ATF7: variants seen among roughly 807,000 people sequenced by gnomAD.
ATF7 encodes the protein cyclic AMP-dependent transcription factor ATF-7.
In ATF7, 10 loss-of-function variants were observed where a neutral mutation model predicts 50.4. The ratio of observed to expected loss-of-function variants is 0.20; its 90% CI spans 0.12 to 0.34. The LOEUF is 0.34. Among genes scored for constraint, ATF7 ranks in the 10% least tolerant of loss-of-function variants. The probability of loss-of-function intolerance (pLI) is 1.00; values close to 1 mark genes in which losing one functional copy is unlikely to be tolerated. For synonymous variants in ATF7, 201 were observed against 226.4 expected (o/e 0.89, Z 1.01); for missense variants, 465 against 613.9 (o/e 0.76, Z 2.56).
intron 11 of ATF7, among the ~76,000 whole-genome samples, chr12:53,517,871 A>T (rs891474366): frequency 1.3e-4 from 19 of 151,700 alleles, no homozygotes; most frequent in African/African-American, 3.6e-4. Flanking sequence ...TTATTTATTT[A>T]TTTTTTTTCC....
rs566812375 is a variant in ATF7 at position 53,515,507 on chromosome 12, A to G, written c.*1630T>C. ...AATTAAAGCTGACCTATCTATCCACAGGCCTCTGGCTCTGAATTGCTTCCT... is the reference window on the plus strand; with the variant it reads ...AATTAAAGCTGACCTATCTATCCACGGGCCTCTGGCTCTGAATTGCTTCCT... On this transcript the variant is annotated 3_prime_UTR_variant, in exon 12 of 12. Coordinates refer to ENST00000420353, the MANE Select transcript of ATF7 (RefSeq NM_006856.3). 1.3e-5 allele frequency: 2 copies of G among 152,354 alleles called. No individual in the cohort carries two copies. The highest frequency in any genetic ancestry group is 4.8e-5 in the African/African-American group (2 of 41,586). The allele number at this position is 152,354 out of a possible 1,614,324, so 9.4% of individuals were successfully genotyped here.
chr12:53,604,127 C>T (rs887600338), intron 1 of ATF7, among the ~76,000 whole-genome samples: 1 of 152,152 alleles, frequency 6.6e-6, no homozygotes, highest in African/African-American at 2.4e-5. Flanking sequence ...GAGGGATACA[C>T]ACATTAAGAA....
chr12:53,562,244 T>C (rs1941167215), intron 2 of ATF7, among the ~76,000 whole-genome samples: 1 of 152,218 alleles, frequency 6.6e-6, no homozygotes, highest in Non-Finnish European at 1.5e-5. Context: ...CCCAAGCACC[T>C]AGAACGGTAT....
intron 1 of ATF7, among the ~76,000 whole-genome samples, chr12:53,605,260 A>G (rs951006948): frequency 7.2e-5 from 11 of 152,012 alleles, no homozygotes; most frequent in African/African-American, 2.7e-4. Context: ...ATGGTGGCGC[A>G]TGCCTGTAAT....
At chr12:53,532,361 G>T in intron 8 of ATF7, 149 bp downstream of exon 8, 1 of 614,986 alleles carries the variant, frequency 1.6e-6, no homozygotes. Context: ...ATGAATTGGA[G>T]TCTTTTCTTT....
chr12:53,570,968 T>A (rs1266247296), intron 2 of ATF7, among the ~76,000 whole-genome samples: 3 of 152,140 alleles, frequency 2.0e-5, no homozygotes, highest in Non-Finnish European at 4.4e-5. Context: ...CACAAAGATA[T>A]ATCAATGTTC....
chr12:53,551,680 CCTT>C (rs1447978096), intron 3 of ATF7, among the ~76,000 whole-genome samples: 1 of 152,206 alleles, frequency 6.6e-6, no homozygotes, highest in Non-Finnish European at 1.5e-5. Context: ...TTCTGTCTCT[CCTT>C]CTCCATGTCT....
In ATF7 at chr12:53,524,843, A is replaced by G; in HGVS notation, c.928-82T>C. The G allele has an allele frequency of 7.9e-7, 1 of 1,259,982 alleles. No individual in the cohort carries two copies. The highest frequency in any genetic ancestry group is 2.6e-5 in the East Asian group (1 of 39,070). 78.1% of individuals were successfully genotyped at this position (1,259,982 alleles called of 1,614,324 possible). A position where few individuals can be genotyped will look rare whatever the true frequency, so the allele number is the denominator to read the frequency against. ...CACACCTGATGTTAGGTAGAGTAGT[A>G]AGATCTGGTAAAAGGATATACCAGC... On this transcript the variant is annotated intron_variant, in intron 9 of 11. Transcript: ENST00000420353. The surrounding 1 kb of genome is among the most constrained non-coding windows in gnomAD (Gnocchi z 4.6).
In ATF7 at chr12:53,513,408, T is replaced by A. The variant is rs1262464019; in HGVS notation, c.*3729A>T. The A allele has an allele frequency of 6.6e-6, 1 of 152,162 alleles. No homozygotes were observed. The highest frequency in any genetic ancestry group is 1.5e-5 in the Non-Finnish European group (1 of 68,026). The allele number at this position is 152,162 out of a possible 1,614,324, so 9.4% of individuals were successfully genotyped here. On this transcript the variant is annotated 3_prime_UTR_variant, in exon 12 of 12. Transcript: ENST00000420353. ...ACTATGAGAGGGATGACTAGAGTTATGGGAGGCTGTAGTGGGGTGGAGGGA... is the reference window on the plus strand; with the variant it reads ...ACTATGAGAGGGATGACTAGAGTTAAGGGAGGCTGTAGTGGGGTGGAGGGA...
chr12:53,581,519 G>T (rs185092740), intron 2 of ATF7, among the ~76,000 whole-genome samples: 31 of 152,082 alleles, frequency 2.0e-4, no homozygotes, highest in African/African-American at 7.5e-4. Context: ...AATTAAAGTA[G>T]AAATCAGTGA....
At chr12:53,545,980 G>T (rs957685221) in intron 3 of ATF7, among the ~76,000 whole-genome samples, 2 of 152,064 alleles carry the variant, frequency 1.3e-5, no homozygotes, top group Non-Finnish European at 1.5e-5. Context: ...ATCACCTGAG[G>T]TCGGGAGTTT....
At position 53,524,424 on chromosome 12, in the gene ATF7, T is replaced by C; in HGVS notation, c.1125+140A>G. ...ATGAAAGAGATTTCAACTCTGACCG[T>C]TAAGAGATTCTTCATGGGACAACTA... On this transcript the variant is annotated intron_variant, in intron 10 of 11. Transcript: ENST00000420353. The surrounding 1 kb of genome is among the most constrained non-coding windows in gnomAD (Gnocchi z 4.6). The C allele has an allele frequency of 1.0e-6, 1 of 982,180 alleles. No homozygotes were observed. Among genetic ancestry groups the C allele is most frequent in the East Asian group, 2.6e-5 (1 of 38,312 alleles). 60.8% of individuals were successfully genotyped at this position (982,180 alleles called of 1,614,324 possible).
chr12:53,517,131 G>A lies in ATF7; in HGVS notation c.*6C>T. ...CTGGCTGAGGACCTCTCCACCAGAG[G>A]AGGCATCATCTGCCCGCAGACTGGG... On this transcript the variant is annotated 3_prime_UTR_variant, in exon 12 of 12. Transcript: ENST00000420353. The A allele has an allele frequency of 1.2e-6, 2 of 1,609,210 alleles. No homozygotes were observed. The highest frequency in any genetic ancestry group is 1.7e-6 in the Non-Finnish European group (2 of 1,179,780).
In ATF7 at chr12:53,513,912, G is replaced by A. The variant is rs1363859494; in HGVS notation, c.*3225C>T. The A allele has an allele frequency of 1.3e-5, 2 of 152,282 alleles. No individual in the cohort carries two copies. Among genetic ancestry groups the A allele is most frequent in the Non-Finnish European group, 2.9e-5 (2 of 68,104 alleles). 9.4% of individuals were successfully genotyped at this position (152,282 alleles called of 1,614,324 possible). A position where few individuals can be genotyped will look rare whatever the true frequency, so the allele number is the denominator to read the frequency against. ...AGCCAAAACCAACAGAACAGGGATA[G>A]AGAAGTGAGCGAGAGGAGGTTCAGT... On this transcript the variant is annotated 3_prime_UTR_variant, in exon 12 of 12. Coordinates refer to ENST00000420353, the MANE Select transcript of ATF7 (RefSeq NM_006856.3).
chr12:53,520,871 A>G (rs1010667127), intron 11 of ATF7, among the ~76,000 whole-genome samples: 1 of 152,148 alleles, frequency 6.6e-6, no homozygotes, highest in Admixed American at 6.6e-5. Flanking sequence ...TCCTGGATTC[A>G]GCCTGCTCTC....
chr12:53,614,867 G>A (rs952558312), intron 1 of ATF7, among the ~76,000 whole-genome samples: 1 of 152,172 alleles, frequency 6.6e-6, no homozygotes, highest in African/African-American at 2.4e-5. Flanking sequence ...GATCGCCTGA[G>A]GTCCGGAGTT....
At chr12:53,621,788 CAAAA>C (rs559780353) in intron 1 of ATF7, among the ~76,000 whole-genome samples, 15 of 81,522 alleles carry the variant, frequency 1.8e-4, no homozygotes, top group Admixed American at 5.4e-4. Flanking sequence ...GACTCTGTCT[CAAAA>C]AAAAAAAAAA....
chr12:53,532,591 A>C lies in ATF7; in HGVS notation c.693T>G (p.Ile231Met), dbSNP rs1009302687. ...TAACTGGTGGGCCAGGGATACCAGGAATGTTGGGCACCATGGACACAGGTC... is the reference window on the plus strand; with the variant it reads ...TAACTGGTGGGCCAGGGATACCAGGCATGTTGGGCACCATGGACACAGGTC... ...LARPVSMVPN[I>M]PGIPGPPVNS... is the part of the protein sequence containing the mutation. Residue 231 changes from isoleucine to methionine, a missense_variant, in exon 8 of 12, where the codon ATT (isoleucine) becomes ATG (methionine). Transcript: ENST00000420353. The C allele has an allele frequency of 2.5e-6, 4 of 1,609,124 alleles. No individual in the cohort carries two copies. Among genetic ancestry groups the C allele is most frequent in the Non-Finnish European group, 3.4e-6 (4 of 1,177,944 alleles).
intron 1 of ATF7, among the ~76,000 whole-genome samples, chr12:53,622,383 G>A (rs1239825339): frequency 2.0e-5 from 3 of 151,934 alleles, no homozygotes; most frequent in Non-Finnish European, 4.4e-5. Context: ...CACTTTGAGA[G>A]GCCGAGGAGG....
Sources: allele counts gnomAD v4.1 joint callset (sites outside exome capture counted in the v4.1 genomes callset), GRCh38; gene constraint gnomAD v4.1.1; non-coding constraint Gnocchi (gnomAD v3.1); transcripts MANE v1.5; gene names NCBI Gene and HGNC (gene_info 2026-07-23, HGNC 2026-07-21).